GALK2: variants seen among roughly 807,000 people sequenced by gnomAD.
The protein encoded by GALK2 is N-acetylgalactosamine kinase.
GALK2 carries 36 observed loss-of-function variants against 52.4 expected under a neutral mutation model. That is an observed-to-expected ratio of 0.69 (90% CI 0.53 to 0.91). The LOEUF is 0.91. Among genes scored for constraint, GALK2 ranks in the 40% least tolerant of loss-of-function variants. The probability of loss-of-function intolerance (pLI) is 0.00; values close to 1 mark genes in which losing one functional copy is unlikely to be tolerated. For missense variants in GALK2, 579 were observed against 559.1 expected (o/e 1.04, Z -0.36); for synonymous variants, 176 against 199.1 (o/e 0.88, Z 0.98).
intron 8 of GALK2, among the ~76,000 whole-genome samples, chr15:49,297,719 G>C (rs1231852926): frequency 6.6e-6 from 1 of 152,038 alleles, no homozygotes; most frequent in Admixed American, 6.6e-5. Context: ...TGTTGACTTC[G>C]TCAAAGATCA....
At chr15:49,250,508 A>G (rs1279046521) in intron 5 of GALK2, among the ~76,000 whole-genome samples, 1 of 152,184 alleles carries the variant, frequency 6.6e-6, no homozygotes. Flanking sequence ...TGCAGAGGAA[A>G]ATATGAGGCT....
At chr15:49,295,650 T>C (rs913608238) in intron 8 of GALK2, among the ~76,000 whole-genome samples, 2 of 152,202 alleles carry the variant, frequency 1.3e-5, no homozygotes, top group African/African-American at 4.8e-5. Flanking sequence ...TTTGAGCCCA[T>C]ACTTGCCTGT....
intron 7 of GALK2, among the ~76,000 whole-genome samples, chr15:49,287,293 C>A (rs967454512): frequency 1.3e-5 from 2 of 152,086 alleles, no homozygotes; most frequent in Non-Finnish European, 2.9e-5. Flanking sequence ...TTTAAATACT[C>A]TGAATTTTTC....
Position 49,366,472 on chromosome 15 carries a change from T to C in GALK2, c.427-1019T>C. 1.0e-5 allele frequency: 11 copies of C among 1,061,018 alleles called. No individual in the cohort carries two copies. The South Asian group carries it at 1.4e-4, about 13-fold the overall frequency. 65.7% of individuals were successfully genotyped at this position (1,061,018 alleles called of 1,614,324 possible). A position where few individuals can be genotyped will look rare whatever the true frequency, so the allele number is the denominator to read the frequency against. Reference sequence around the variant, plus strand: ...GAGGAACATCAGAAAGGTTGCATAGTGGTGCGGAAGTCAGATTCATCAAAC... The same window carrying C: ...GAGGAACATCAGAAAGGTTGCATAGCGGTGCGGAAGTCAGATTCATCAAAC... On this transcript the variant is annotated intron_variant, in intron 3 of 3. Transcript: ENST00000558399.
intron 8 of GALK2, among the ~76,000 whole-genome samples, chr15:49,310,128 C>T (rs2035871709): frequency 6.6e-6 from 1 of 152,092 alleles, no homozygotes; most frequent in African/African-American, 2.4e-5. Context: ...TGGGTAGGAT[C>T]ATGTGGTTTT....
chr15:49,354,540 G>A (rs544426413), intron 3 of GALK2, among the ~76,000 whole-genome samples: 5 of 152,300 alleles, frequency 3.3e-5, no homozygotes, highest in South Asian at 2.1e-4. Context: ...TTTTCCGACC[G>A]GCTTAAAAAA....
chr15:49,284,024 G>T (rs529545231), intron 7 of GALK2, among the ~76,000 whole-genome samples: 1 of 152,118 alleles, frequency 6.6e-6, no homozygotes, highest in Admixed American at 6.5e-5. Context: ...GACCACAGCT[G>T]GTCTTGTTTC....
intron 1 of GALK2, among the ~76,000 whole-genome samples, chr15:49,159,567 C>A (rs1465850253): frequency 2.1e-5 from 3 of 143,364 alleles, no homozygotes; most frequent in Non-Finnish European, 4.6e-5. Context: ...CAGAACAAGA[C>A]TCTGTCTCAA....
chr15:49,270,277 A>G (rs1444935872), intron 5 of GALK2, among the ~76,000 whole-genome samples: 1 of 152,222 alleles, frequency 6.6e-6, no homozygotes, highest in African/African-American at 2.4e-5. Flanking sequence ...GTTTAATCTT[A>G]CTTACTAAGA....
intron 1 of GALK2, among the ~76,000 whole-genome samples, chr15:49,198,543 G>A (rs2087439959): frequency 6.6e-6 from 1 of 152,050 alleles, no homozygotes; most frequent in African/African-American, 2.4e-5. Flanking sequence ...CACAGGCCCT[G>A]TTCTTTGTTT....
chr15:49,207,490 T>A (rs930219543), intron 2 of GALK2, among the ~76,000 whole-genome samples: 2 of 152,220 alleles, frequency 1.3e-5, no homozygotes, highest in Non-Finnish European at 2.9e-5. Flanking sequence ...TGTACTTTTT[T>A]TTTGTTGGTA....
intron 3 of GALK2, chr15:49,366,558 T>C (rs942535868): frequency 1.3e-6 from 2 of 1,592,946 alleles, no homozygotes; most frequent in Non-Finnish European, 1.7e-6. Flanking sequence ...TTATAAAGCA[T>C]GCAGTAGTCC....
intron 1 of GALK2, among the ~76,000 whole-genome samples, chr15:49,185,234 G>A (rs2086259732): frequency 1.3e-5 from 2 of 152,134 alleles, no homozygotes; most frequent in Middle Eastern, 3.4e-3. Context: ...GTGATATTTT[G>A]TTTTCTGTTT....
At chr15:49,198,022 A>G (rs1342899109) in intron 1 of GALK2, among the ~76,000 whole-genome samples, 2 of 152,210 alleles carry the variant, frequency 1.3e-5, no homozygotes, top group Non-Finnish European at 2.9e-5. Context: ...TGTTTCAACA[A>G]ACTTCTCTAT....
intron 3 of GALK2, among the ~76,000 whole-genome samples, chr15:49,359,015 T>C (rs1451563656): frequency 1.3e-5 from 2 of 151,928 alleles, no homozygotes; most frequent in Non-Finnish European, 2.9e-5. Flanking sequence ...TAAATGGTGC[T>C]GGGAAAACTG....
chr15:49,198,460 A>G (rs181529375), intron 1 of GALK2, among the ~76,000 whole-genome samples: 2 of 152,262 alleles, frequency 1.3e-5, no homozygotes, highest in African/African-American at 2.4e-5. Context: ...TTTCTATCCT[A>G]TTTAAAGGAG....
Position 49,328,604 on chromosome 15 carries a change from T to G in GALK2, c.*445T>G. ...CTTCCTCAAAGTTGTAGTTGTCTGT[T>G]GATGATGGTGATGATGATGATGATG... On this transcript the variant is annotated 3_prime_UTR_variant, in exon 10 of 10. Transcript: ENST00000560031. 1.3e-6 allele frequency: 2 copies of G among 1,591,788 alleles called. No individual in the cohort carries two copies.
chr15:49,232,706 T>C (rs75698857), intron 3 of GALK2, among the ~76,000 whole-genome samples: 2,616 of 152,294 alleles, frequency 0.017, 95 homozygotes, highest in African/African-American at 0.06. Context: ...TGCTTAGAAA[T>C]TTCTCCTGTC....
chr15:49,299,951 T>A (rs574930361), intron 8 of GALK2, among the ~76,000 whole-genome samples: 1 of 151,918 alleles, frequency 6.6e-6, no homozygotes, highest in Non-Finnish European at 1.5e-5. Context: ...TCTATAGATA[T>A]CTGTTAGGTC....
Sources: allele counts gnomAD v4.1 joint callset (sites outside exome capture counted in the v4.1 genomes callset), GRCh38; gene constraint gnomAD v4.1.1; transcripts MANE v1.5; gene names NCBI Gene and HGNC (gene_info 2026-07-23, HGNC 2026-07-21).